The following AKAP4 variants were observed in gnomAD, a reference collection of about 807,000 sequenced individuals.
AKAP4 encodes A-kinase anchoring protein 4.
AKAP4 carries 4 observed loss-of-function variants against 42.6 expected under a neutral mutation model. The ratio of observed to expected loss-of-function variants is 0.09; its 90% CI spans 0.05 to 0.22. AKAP4 has a LOEUF of 0.22. Among genes scored for constraint, AKAP4 ranks in the 10% least tolerant of loss-of-function variants. The pLI, the probability that AKAP4 is intolerant of heterozygous loss-of-function variation, is 1.00. For synonymous variants in AKAP4, 223 were observed against 233.0 expected (o/e 0.96, Z 0.39); for missense variants, 551 against 630.7 (o/e 0.87, Z 1.35).
intron 3 of AKAP4, 71 bp downstream of exon 3, chrX:50,197,473 T>C (rs17328195): frequency 0.071 from 69,461 of 975,310 alleles, 2,107 homozygotes; most frequent in Non-Finnish European, 0.081. Context: ...CATTTTCCAT[T>C]CTTCATACTT....
chrX:50,199,599 A>G (rs932498172), intron 1 of AKAP4, among the ~76,000 whole-genome samples: 1 of 111,450 alleles, frequency 9.0e-6, no homozygotes, highest in East Asian at 2.8e-4. Context: ...AAGACCTGAG[A>G]TTTATGCTTA....
chrX:50,196,227 T>C lies in AKAP4; in HGVS notation c.276+664A>G, dbSNP rs782561934. ...CAGAAATAATGTTTTGGTTATAATA[T>C]GAGCCTGGAGACACAGAACAAGAAA... On this transcript the variant is annotated intron_variant, in intron 4 of 5. Coordinates refer to ENST00000358526, the MANE Select transcript of AKAP4 (RefSeq NM_003886.3). Among the ~76,000 whole-genome samples, 10 of 111,472 alleles carry C rather than the reference T, an allele frequency of 9.0e-5. No homozygotes were observed. The South Asian group carries it at 3.4e-3, about 38-fold the overall frequency.
Position 50,200,960 on chromosome X carries a change from A to C in AKAP4, c.-71T>G. 6 of 1,073,491 alleles carry C rather than the reference A, an allele frequency of 5.6e-6. No homozygotes were observed. Among genetic ancestry groups the C allele is most frequent in the Non-Finnish European group, 7.8e-6 (6 of 772,221 alleles). 88.5% of individuals were successfully genotyped at this position (1,073,491 alleles called of 1,213,427 possible). On this transcript the variant is annotated 5_prime_UTR_variant, in exon 1 of 6. Transcript: ENST00000358526. ...TGACTCTTCCAGTCTGCCTCAAGATACTGCTTTTTTCTTCAACTCTCCATG... is the reference window on the plus strand; with the variant it reads ...TGACTCTTCCAGTCTGCCTCAAGATCCTGCTTTTTTCTTCAACTCTCCATG...
Position 50,197,571 on chromosome X carries a change from G to T in AKAP4, c.147C>A (p.Thr49=). 8.3e-7 allele frequency: 1 copy of T among 1,206,958 alleles called. No individual in the cohort carries two copies. The highest frequency in any genetic ancestry group is 1.1e-6 in the Non-Finnish European group (1 of 892,471). ...TGTAATCTTTATCTTCTACATTCAG[G>T]GTGGACACATCGACAAAGCATATCT... The part of the protein sequence containing the change: ...RKVICFVDVS[T]LNVEDKDYKD... The change falls in exon 3 of 6, where the codon ACC becomes ACA. Residue 49 remains threonine, a synonymous_variant. Coordinates refer to ENST00000358526, the MANE Select transcript of AKAP4 (RefSeq NM_003886.3).
At chrX:50,197,673 G>A (rs1302139191) in intron 2 of AKAP4, 79 bp from the exon 3 acceptor site, 5 of 885,015 alleles carry the variant, frequency 5.6e-6, no homozygotes, top group African/African-American at 4.0e-5. Flanking sequence ...GATGATAATA[G>A]CACCTACCTC....
At chrX:50,192,128 G>A (rs782199938) in intron 5 of AKAP4, among the ~76,000 whole-genome samples, 176 bp downstream of exon 5, 2 of 111,499 alleles carry the variant, frequency 1.8e-5, no homozygotes, top group Non-Finnish European at 3.8e-5. Flanking sequence ...GCTTTGAGGT[G>A]TCCACTTAGC....
chrX:50,191,857 G>A (rs989963127), intron 5 of AKAP4, among the ~76,000 whole-genome samples: 1 of 110,033 alleles, frequency 9.1e-6, no homozygotes, highest in Non-Finnish European at 1.9e-5. Flanking sequence ...AGGAGCATAG[G>A]GAAAATAGTA....
chrX:50,194,891 G>A (rs1371694436), intron 4 of AKAP4, among the ~76,000 whole-genome samples: 1 of 111,520 alleles, frequency 9.0e-6, no homozygotes, highest in Admixed American at 9.6e-5. Flanking sequence ...ATTACCTATT[G>A]TATATGTCTA....
intron 1 of AKAP4, among the ~76,000 whole-genome samples, 180 bp downstream of exon 1, chrX:50,200,683 T>C (rs1557204771): frequency 8.9e-6 from 1 of 112,225 alleles, no homozygotes; most frequent in Admixed American, 9.4e-5. Context: ...ATCAGAGTTA[T>C]ATTGCAAGAG....
intron 1 of AKAP4, among the ~76,000 whole-genome samples, chrX:50,199,104 A>G (rs781898761): frequency 9.0e-6 from 1 of 111,166 alleles, no homozygotes; most frequent in African/African-American, 3.3e-5. Context: ...TACTAACTAA[A>G]TGTCTCTGAT....
chrX:50,200,250 A>G, intron 1 of AKAP4: 2 of 754,123 alleles, frequency 2.7e-6, no homozygotes, highest in Non-Finnish European at 3.1e-6. Flanking sequence ...AAGTTCTTTT[A>G]GATGTTTGGC....
Position 50,198,669 on chromosome X carries a change from C to T in AKAP4, c.111G>A (p.Gln37=), listed in dbSNP as rs782581423. The change falls in exon 2 of 6, where the codon CAG becomes CAA. Residue 37 remains glutamine (Q), a synonymous_variant. Coordinates refer to ENST00000358526, the MANE Select transcript of AKAP4 (RefSeq NM_003886.3). The stretch of plus-strand genomic sequence containing the variant: ...TTTTTTATCTTACCACTTTCCGGTC[C>T]TGATCTTGCTGTCCTTCTGGGTTGT... ...DLYNPEGQQD[Q]DRKVICFVDV... is the part of the protein sequence containing the mutation. 5 of 1,206,926 alleles carry T rather than the reference C, an allele frequency of 4.1e-6. No homozygotes were observed. Among genetic ancestry groups the T allele is most frequent in the Non-Finnish European group, 5.6e-6 (5 of 893,248 alleles).
chrX:50,190,817 C>T lies in AKAP4; in HGVS notation c.*143G>A. 1 of 584,047 alleles carries T rather than the reference C, an allele frequency of 1.7e-6. No homozygotes were observed. Among genetic ancestry groups the T allele is most frequent in the East Asian group, 3.8e-5 (1 of 26,343 alleles). The allele number at this position is 584,047 out of a possible 1,213,427, so 48.1% of individuals were successfully genotyped here. A position where few individuals can be genotyped will look rare whatever the true frequency, so the allele number is the denominator to read the frequency against. On this transcript the variant is annotated 3_prime_UTR_variant, in exon 6 of 6. Coordinates refer to ENST00000358526, the MANE Select transcript of AKAP4 (RefSeq NM_003886.3). ...ATTTTATTTCCCAGTTTGTTGACAC[C>T]TCTTACATTCACAGGCAACTGCTCA...
Position 50,190,928 on chromosome X carries a change from G to C in AKAP4, c.*32C>G. On this transcript the variant is annotated 3_prime_UTR_variant, in exon 6 of 6. Coordinates refer to ENST00000358526, the MANE Select transcript of AKAP4 (RefSeq NM_003886.3). ...CTGGCTGGGATGGAATGCTGCTAGG[G>C]GGGCTAAGATGAAGAGGAGTCAAGG... 1 of 1,207,655 alleles carries C rather than the reference G, an allele frequency of 8.3e-7. No individual in the cohort carries two copies. Among genetic ancestry groups the C allele is most frequent in the East Asian group, 3.0e-5 (1 of 33,791 alleles).
chrX:50,192,741 G>A lies in AKAP4; in HGVS notation c.1972C>T (p.Pro658Ser). 4 of 1,211,847 alleles carry A rather than the reference G, an allele frequency of 3.3e-6. No individual in the cohort carries two copies. Among genetic ancestry groups the A allele is most frequent in the Non-Finnish European group, 4.5e-6 (4 of 895,559 alleles). Residue 658 changes from proline to serine, a missense_variant, in exon 5 of 6, where the codon CCC becomes TCC. By Grantham distance (74) the Pro-to-Ser change is moderately conservative. Transcript: ENST00000358526. ...ATGGAAGCTGCTTTGCTTGCCCTGG[G>A]CTCAGAACACTTGTTCTCACCTTCG... ...PCEGENKCSE[P>S]RASKAASMSN...
intron 1 of AKAP4, among the ~76,000 whole-genome samples, chrX:50,199,309 C>A (rs1209553215): frequency 9.0e-6 from 1 of 110,567 alleles, no homozygotes; most frequent in African/African-American, 3.3e-5. Flanking sequence ...AAATAAATAG[C>A]CCTTTTATTA....
intron 3 of AKAP4, 64 bp from the exon 4 acceptor site, chrX:50,197,056 C>A: frequency 1.3e-6 from 1 of 796,749 alleles, no homozygotes; most frequent in East Asian, 3.2e-5. Flanking sequence ...AGCTGCCCCC[C>A]TAGGCTATGA....
Position 50,194,362 on chromosome X carries a change from A to T in AKAP4, c.351T>A (p.Asp117Glu). Residue 117 changes from aspartate (D) to glutamate (E), a missense_variant, in exon 5 of 6, where the codon GAT becomes GAA. Physicochemically the swap from Asp to Glu is conservative, Grantham distance 45 (BLOSUM62 2). Transcript: ENST00000358526. ...GGAAACCCAAGGCATACTTCTGGAG[A>T]TCACTGAGAAGCCAGTTGAGGACAC... Reference protein sequence around the residue: ...PVSVLNWLLSDLQKYALGFQH... With the variant: ...PVSVLNWLLSELQKYALGFQH... 8.3e-7 allele frequency: 1 copy of T among 1,209,788 alleles called. No individual in the cohort carries two copies. The highest frequency in any genetic ancestry group is 1.1e-6 in the Non-Finnish European group (1 of 894,982).
rs1935097344 is a variant in AKAP4 at position 50,190,866 on chromosome X, G to A, written c.*94C>T. Reference sequence around the variant, plus strand: ...CAAGTGTATTGGGAAATACAGTTGTGTATTGTGCAGTTGACTGGCCTGATG... The same window carrying A: ...CAAGTGTATTGGGAAATACAGTTGTATATTGTGCAGTTGACTGGCCTGATG... On this transcript the variant is annotated 3_prime_UTR_variant, in exon 6 of 6. Coordinates refer to ENST00000358526, the MANE Select transcript of AKAP4 (RefSeq NM_003886.3). 5.7e-6 allele frequency: 6 copies of A among 1,050,325 alleles called. No homozygotes were observed. The highest frequency in any genetic ancestry group is 3.1e-4 in the Middle Eastern group (1 of 3,198). The allele number at this position is 1,050,325 out of a possible 1,213,427, so 86.6% of individuals were successfully genotyped here. A position where few individuals can be genotyped will look rare whatever the true frequency, so the allele number is the denominator to read the frequency against.
Sources: allele counts gnomAD v4.1 joint callset (sites outside exome capture counted in the v4.1 genomes callset), GRCh38; gene constraint gnomAD v4.1.1; transcripts MANE v1.5; gene names NCBI Gene and HGNC (gene_info 2026-07-23, HGNC 2026-07-21).